TCERG1L: variants seen among roughly 807,000 people sequenced by gnomAD.
TCERG1L encodes the protein transcription elongation regulator 1-like protein.
A neutral mutation model predicts 56.3 loss-of-function variants in TCERG1L; 37 were observed. That is an observed-to-expected ratio of 0.66 (90% CI 0.51 to 0.87). The LOEUF (loss-of-function observed/expected upper bound fraction) is 0.87. Ranked by LOEUF, TCERG1L falls within the 40% of genes least tolerant of loss-of-function variation. The probability of loss-of-function intolerance (pLI) is 0.00; values close to 1 mark genes in which losing one functional copy is unlikely to be tolerated. For missense variants in TCERG1L, 799 were observed against 774.2 expected, an observed-to-expected ratio of 1.03 and a Z score of -0.38; for synonymous variants, 324 against 326.3, an observed-to-expected ratio of 0.99 and a Z score of 0.08.
At chr10:131,259,486 G>A (rs1023277032) in intron 4 of TCERG1L, among the ~76,000 whole-genome samples, 5 of 152,150 alleles carry the variant, frequency 3.3e-5, no homozygotes, top group Non-Finnish European at 7.3e-5. Flanking sequence ...GAAGAAACAC[G>A]CATTTCACAA....
At chr10:131,295,072 A>G (rs1589775955) in intron 3 of TCERG1L, among the ~76,000 whole-genome samples, 1 of 151,926 alleles carries the variant, frequency 6.6e-6, no homozygotes, top group East Asian at 1.9e-4. Flanking sequence ...ACAAAAGTGG[A>G]ATAATATATG....
At chr10:131,210,932 T>C (rs1284473717) in intron 4 of TCERG1L, among the ~76,000 whole-genome samples, 5 of 152,114 alleles carry the variant, frequency 3.3e-5, no homozygotes, top group South Asian at 2.1e-4. Flanking sequence ...TATTTCATCG[T>C]TTTCCTCCAA....
chr10:131,149,446 G>A (rs768494648), intron 6 of TCERG1L, among the ~76,000 whole-genome samples: 14 of 152,198 alleles, frequency 9.2e-5, no homozygotes, highest in African/African-American at 3.1e-4. Context: ...TGCAGAACCC[G>A]GCTAGCATAG....
intron 6 of TCERG1L, among the ~76,000 whole-genome samples, chr10:131,148,875 G>C (rs1229072718): frequency 1.3e-5 from 2 of 152,230 alleles, no homozygotes; most frequent in African/African-American, 4.8e-5. Flanking sequence ...GAGTCTGTGG[G>C]AGACGAATCA....
At chr10:131,171,187 A>AAAAG (rs111602431) in intron 4 of TCERG1L, among the ~76,000 whole-genome samples, 1 of 109,954 alleles carries the variant, frequency 9.1e-6, no homozygotes, top group East Asian at 3.6e-4. Flanking sequence ...ACCAAAAAAA[A>AAAAG]GAAGAAAGAA....
At chr10:131,264,050 G>A (rs1846260072) in intron 3 of TCERG1L, among the ~76,000 whole-genome samples, 1 of 72 alleles carries the variant, frequency 0.014, no homozygotes, top group African/African-American at 0.062. Flanking sequence ...TGGGACGGAG[G>A]GAGGGCTGAA....
intron 10 of TCERG1L, among the ~76,000 whole-genome samples, chr10:131,101,800 A>G (rs972408594): frequency 1.3e-5 from 2 of 152,006 alleles, no homozygotes; most frequent in Non-Finnish European, 2.9e-5. Flanking sequence ...TCCCGGGTTC[A>G]AGTGATTCTC....
At chr10:131,272,765 A>G (rs930116452) in intron 3 of TCERG1L, among the ~76,000 whole-genome samples, 2 of 152,188 alleles carry the variant, frequency 1.3e-5, no homozygotes, top group Non-Finnish European at 2.9e-5. Flanking sequence ...TCAGGCCCTC[A>G]GTGCTGCCCA....
chr10:131,233,450 GCACA>G, intron 4 of TCERG1L, among the ~76,000 whole-genome samples: 1 of 148,676 alleles, frequency 6.7e-6, no homozygotes, highest in Non-Finnish European at 1.5e-5. Context: ...GCATACACAT[GCACA>G]CAGACACACA....
At chr10:131,175,025 T>C (rs1253825176) in intron 4 of TCERG1L, among the ~76,000 whole-genome samples, 1 of 126,402 alleles carries the variant, frequency 7.9e-6, no homozygotes, top group Admixed American at 7.9e-5. Flanking sequence ...CCAGATTTTC[T>C]CTGTGGGTCT....
At chr10:131,254,805 G>C (rs1227809770) in intron 4 of TCERG1L, among the ~76,000 whole-genome samples, 1 of 152,216 alleles carries the variant, frequency 6.6e-6, no homozygotes. Context: ...AGTCTTTGTG[G>C]CAGGGGGTGA....
chr10:131,182,208 G>C (rs1845187612), intron 4 of TCERG1L, among the ~76,000 whole-genome samples: 1 of 152,188 alleles, frequency 6.6e-6, no homozygotes, highest in African/African-American at 2.4e-5. Flanking sequence ...TGCCGTGTGA[G>C]TGGGCATGGG....
chr10:131,208,387 C>G (rs1167722476), intron 4 of TCERG1L, among the ~76,000 whole-genome samples: 1 of 152,196 alleles, frequency 6.6e-6, no homozygotes, highest in African/African-American at 2.4e-5. Flanking sequence ...CTCCTCAGCT[C>G]CGAGCCCACA....
rs149689451 is a variant in TCERG1L at position 131,238,177 on chromosome 10, ACC to A, written c.856+22080_856+22081del. 6.0e-3 allele frequency among the ~76,000 whole-genome samples: 917 copies of A among 152,114 alleles called. 12 individuals are homozygous for A. The East Asian group carries it at 0.066, about 11-fold the overall frequency. On this transcript the variant is annotated intron_variant, in intron 4 of 11. Coordinates refer to ENST00000368642, the MANE Select transcript of TCERG1L (RefSeq NM_174937.4). ...ATCTGCAGTCTGGAAAGGCCCACAG[ACC>A]TGGGTCCGCTCCGGCAGGATCTCAG...
chr10:131,110,202 T>A (rs1250203367), intron 9 of TCERG1L, among the ~76,000 whole-genome samples: 1 of 152,204 alleles, frequency 6.6e-6, no homozygotes, highest in African/African-American at 2.4e-5. Context: ...CAAAAGTGTT[T>A]TCCAGATCAA....
intron 4 of TCERG1L, among the ~76,000 whole-genome samples, chr10:131,175,653 G>T (rs576470614): frequency 6.6e-6 from 1 of 152,246 alleles, no homozygotes; most frequent in Non-Finnish European, 1.5e-5. Context: ...TTTATCCAAA[G>T]TAGGGATGTT....
chr10:131,145,417 T>C (rs1244290122), intron 7 of TCERG1L, among the ~76,000 whole-genome samples: 2 of 152,226 alleles, frequency 1.3e-5, no homozygotes, highest in Admixed American at 1.3e-4. Flanking sequence ...CTCAACTCCA[T>C]ATGGACCTTG....
intron 4 of TCERG1L, among the ~76,000 whole-genome samples, chr10:131,216,564 C>T (rs1177768794): frequency 6.6e-6 from 1 of 152,212 alleles, no homozygotes; most frequent in Non-Finnish European, 1.5e-5. Context: ...GAGCCAGGAA[C>T]AGGACAAGGA....
chr10:131,191,916 T>TA lies in TCERG1L; in HGVS notation c.857-25032dup, dbSNP rs1268554202. 9.2e-4 allele frequency among the ~76,000 whole-genome samples: 75 copies of TA among 81,194 alleles called. 11 individuals are homozygous for TA. Among genetic ancestry groups the TA allele is most frequent in the African/African-American group, 3.4e-3 (73 of 21,644 alleles). The allele number at this position is 81,194 out of a possible 152,430, so 53.3% of individuals were successfully genotyped here. A position where few individuals can be genotyped will look rare whatever the true frequency, so the allele number is the denominator to read the frequency against. ...AAAAAAAGAAAAAGACCTGAAACTA[T>TA]AAAACTTCTAGAAGACAACACTGGA... On this transcript the variant is annotated intron_variant, in intron 4 of 11. Coordinates refer to ENST00000368642, the MANE Select transcript of TCERG1L (RefSeq NM_174937.4).
Sources: gnomAD v4.1 joint callset for allele counts (sites outside exome capture counted in the v4.1 genomes callset) on GRCh38, gnomAD v4.1.1 for gene constraint, MANE v1.5 for transcripts, NCBI Gene and HGNC (gene_info 2026-07-23, HGNC 2026-07-21) for gene names.